Variants in KLHL10 observed in about 807,000 individuals in gnomAD.
KLHL10 encodes kelch-like protein 10.
Under a neutral mutation model 46.6 loss-of-function variants are expected in KLHL10, and 11 were observed. That is an observed-to-expected ratio of 0.24 (90% CI 0.15 to 0.39). The LOEUF is 0.39. Ranked by LOEUF, KLHL10 falls within the 10% of genes least tolerant of loss-of-function variation. KLHL10 has a pLI of 1.00. For synonymous variants in KLHL10, 254 were observed against 279.1 expected (o/e 0.91, Z 0.90); for missense variants, 475 against 789.8 (o/e 0.60, Z 4.78).
intron 1 of KLHL10, among the ~76,000 whole-genome samples, chr17:41,838,950 A>C (rs1366151443): frequency 6.6e-6 from 1 of 151,432 alleles, no homozygotes; most frequent in Non-Finnish European, 1.5e-5. Flanking sequence ...TGACCTCCCA[A>C]AGTGCTAGGA....
At chr17:41,843,400 G>T (rs1391556943) in intron 2 of KLHL10, among the ~76,000 whole-genome samples, 12 of 151,632 alleles carry the variant, frequency 7.9e-5, no homozygotes, top group Admixed American at 7.9e-4. Flanking sequence ...AGCTACTCGG[G>T]AATCTGAGGC....
At chr17:41,845,102 T>G in intron 2 of KLHL10, 24 bp from the exon 3 acceptor site, 1 of 1,614,218 alleles carries the variant, frequency 6.2e-7, no homozygotes, top group Non-Finnish European at 8.5e-7. Context: ...GTCACCTGAA[T>G]GACTTTCTGC....
rs782562705 is a variant in KLHL10, at chr17:41,837,916, C to T, written c.-17C>T. 3.9e-5 allele frequency: 63 copies of T among 1,613,090 alleles called. No individual in the cohort carries two copies. In the Middle Eastern group the frequency reaches 9.3e-4, roughly 24 times the overall value. ...ACACCCTAGGAAAGCAGCCTCTCTC[C>T]GCTGTCCCAGGGTGCCATGGAGATG... On this transcript the variant is annotated 5_prime_UTR_variant, in exon 1 of 5. Coordinates refer to ENST00000293303, the MANE Select transcript of KLHL10 (RefSeq NM_152467.5).
At chr17:41,847,021 A>C (rs2048295360) in intron 3 of KLHL10, among the ~76,000 whole-genome samples, 1 of 152,148 alleles carries the variant, frequency 6.6e-6, no homozygotes, top group African/African-American at 2.4e-5. Flanking sequence ...ATGCTGAGGC[A>C]GGAGAATTGT....
At chr17:41,845,838 C>A in intron 3 of KLHL10, 95 bp downstream of exon 3, 1 of 1,475,756 alleles carries the variant, frequency 6.8e-7, no homozygotes, top group Non-Finnish European at 9.3e-7. Flanking sequence ...GACGCAGTGG[C>A]AGTATTCACT....
chr17:41,846,238 G>A (rs2048284205), intron 3 of KLHL10, among the ~76,000 whole-genome samples: 1 of 150,476 alleles, frequency 6.6e-6, no homozygotes, highest in Admixed American at 6.6e-5. Flanking sequence ...AAAAAGTAAT[G>A]CAGGCTGGGC....
intron 1 of KLHL10, among the ~76,000 whole-genome samples, chr17:41,839,175 A>G (rs2048201971): frequency 6.6e-6 from 1 of 152,104 alleles, no homozygotes; most frequent in Admixed American, 6.6e-5. Flanking sequence ...TGTTTTTAGT[A>G]GAGACGGGGT....
At chr17:41,845,073 GA>G in intron 2 of KLHL10, 52 bp from the exon 3 acceptor site, 1 of 1,612,638 alleles carries the variant, frequency 6.2e-7, no homozygotes, top group Non-Finnish European at 8.5e-7. Flanking sequence ...AAGGATGTGG[GA>G]TTTCCTGGCA....
At chr17:41,844,226 ATTTTT>A (rs35887307) in intron 2 of KLHL10, among the ~76,000 whole-genome samples, 2 of 142,510 alleles carry the variant, frequency 1.4e-5, no homozygotes, top group African/African-American at 5.1e-5. Context: ...TGCCTGGCTA[ATTTTT>A]TTTTTTTCTT....
chr17:41,838,895 C>T (rs1224399267), intron 1 of KLHL10, among the ~76,000 whole-genome samples: 3 of 151,862 alleles, frequency 2.0e-5, no homozygotes, highest in Admixed American at 2.0e-4. Flanking sequence ...TGCCATGTCG[C>T]TCAGGCTGGT....
At chr17:41,838,697 C>A (rs1401123255) in intron 1 of KLHL10, among the ~76,000 whole-genome samples, 1 of 65,720 alleles carries the variant, frequency 1.5e-5, no homozygotes, top group African/African-American at 5.7e-5. Context: ...TGATTTTTGT[C>A]TTTTTTTTTT....
At chr17:41,844,978 C>A (rs373627780) in intron 2 of KLHL10, 148 bp from the exon 3 acceptor site, 3 of 979,020 alleles carry the variant, frequency 3.1e-6, no homozygotes, top group Admixed American at 4.0e-5. Context: ...GCCTCAAAAT[C>A]GACTATTTAA....
intron 2 of KLHL10, 130 bp from the exon 3 acceptor site, chr17:41,844,996 C>T (rs533472488): frequency 7.1e-5 from 81 of 1,138,286 alleles, no homozygotes; most frequent in Admixed American, 9.6e-5. Context: ...TAAACTGTGA[C>T]TTATACATTT....
Position 41,845,577 on chromosome 17 carries a change from T to G in KLHL10, c.1136T>G (p.Val379Gly). ...CCGATGCACTCCAGACGTTGCTATGTCAGTGTGACAGTCCTCGGCAATTTT... is the reference window on the plus strand; with the variant it reads ...CCGATGCACTCCAGACGTTGCTATGGCAGTGTGACAGTCCTCGGCAATTTT... ...VAPMHSRRCY[V>G]SVTVLGNFIY... The change falls in exon 3 of 5, where the codon GTC becomes GGC. Residue 379 changes from valine (V) to glycine (G), a missense_variant. Transcript: ENST00000293303. The G allele has an allele frequency of 6.2e-7, 1 of 1,614,234 alleles. No homozygotes were observed. Among genetic ancestry groups the G allele is most frequent in the African/African-American group, 1.3e-5 (1 of 75,060 alleles).
upstream of KLHL10, chr17:41,837,818 A>G: frequency 1.3e-6 from 2 of 1,557,876 alleles, no homozygotes; most frequent in East Asian, 2.3e-5. Flanking sequence ...GTTGCCTGAT[A>G]GACCCTATAC....
intron 2 of KLHL10, among the ~76,000 whole-genome samples, chr17:41,844,054 C>T (rs1188764890): frequency 5.3e-5 from 8 of 151,378 alleles, no homozygotes; most frequent in East Asian, 1.9e-4. Context: ...AGCTAGCGCC[C>T]GGCTGACAAC....
chr17:41,836,358 G>T (rs1419598000), upstream of KLHL10: 1 of 1,224,666 alleles, frequency 8.2e-7, no homozygotes, highest in Non-Finnish European at 1.0e-6. Flanking sequence ...CGCGATCCGG[G>T]TGGGCTTGCC....
rs1218983433 is a variant in KLHL10, at chr17:41,841,812, C to CT, written c.195-5dup. 2.5e-6 allele frequency: 4 copies of CT among 1,614,020 alleles called. No homozygotes were observed. Among genetic ancestry groups the CT allele is most frequent in the African/African-American group, 1.3e-5 (1 of 74,920 alleles). ...TGTTTCCGTGGCTGCTAGTTTCTTTCTTTTTTCCAGAGCTTTGTTTACAAG... is the reference window on the plus strand; with the variant it reads ...TGTTTCCGTGGCTGCTAGTTTCTTTCTTTTTTTCCAGAGCTTTGTTTACAAG... On this transcript the variant is annotated splice_polypyrimidine_tract_variant and intron_variant, in intron 1 of 4. Transcript: ENST00000293303.
intron 1 of KLHL10, 152 bp downstream of exon 1, chr17:41,838,278 TA>T: frequency 1.5e-6 from 1 of 663,844 alleles, no homozygotes; most frequent in Non-Finnish European, 2.6e-6. Context: ...ATTTTTTTTT[TA>T]GAGATAAGCT....
Sources: allele counts gnomAD v4.1 joint callset (sites outside exome capture counted in the v4.1 genomes callset), GRCh38; gene constraint gnomAD v4.1.1; transcripts MANE v1.5; gene names NCBI Gene and HGNC (gene_info 2026-07-23, HGNC 2026-07-21).